KDM4B: variants seen among roughly 807,000 people sequenced by gnomAD.
KDM4B encodes the protein lysine demethylase 4B.
KDM4B carries 32 observed loss-of-function variants against 125.2 expected under a neutral mutation model. The ratio of observed to expected loss-of-function variants is 0.26; its 90% CI spans 0.19 to 0.34. The LOEUF (loss-of-function observed/expected upper bound fraction) is 0.34, where lower values mean the gene tolerates loss of function less well. KDM4B is among the 10% of genes least tolerant of loss of function. The pLI is 1.00. For synonymous variants in KDM4B, 721 were observed against 677.9 expected (o/e 1.06, Z -0.99); for missense variants, 1,190 against 1,577.7 (o/e 0.75, Z 4.16).
chr19:5,122,663 G>A (rs1272905020), intron 11 of KDM4B, among the ~76,000 whole-genome samples: 1 of 152,246 alleles, frequency 6.6e-6, no homozygotes, highest in Non-Finnish European at 1.5e-5. Context: ...CCGATAAGTA[G>A]GGAAGACACT....
intron 11 of KDM4B, 28 bp from the exon 12 acceptor site, chr19:5,131,048 C>G: frequency 6.8e-7 from 1 of 1,468,450 alleles, no homozygotes; most frequent in Non-Finnish European, 9.1e-7. Context: ...GGGTTCTCCT[C>G]CCTGACCTCC....
chr19:4,994,255 C>T (rs186013757), intron 1 of KDM4B, among the ~76,000 whole-genome samples: 1 of 151,362 alleles, frequency 6.6e-6, no homozygotes, highest in East Asian at 2.0e-4. Context: ...CTATTTTCAG[C>T]CTGTTCGTAT....
intron 6 of KDM4B, among the ~76,000 whole-genome samples, chr19:5,064,711 G>GT (rs2037713339): frequency 6.6e-6 from 1 of 152,250 alleles, no homozygotes; most frequent in African/African-American, 2.4e-5. Flanking sequence ...GGGCCACAGA[G>GT]TCCTGGCTTG....
chr19:5,003,079 T>C (rs889798293), intron 1 of KDM4B, among the ~76,000 whole-genome samples: 1 of 152,256 alleles, frequency 6.6e-6, no homozygotes, highest in Admixed American at 6.5e-5. Flanking sequence ...GTATGATTCC[T>C]CCTTTACACT....
Position 5,150,309 on chromosome 19 carries a change from C to T in KDM4B, c.3022-49C>T, listed in dbSNP as rs557073831. The T allele has an allele frequency of 2.5e-5, 37 of 1,494,270 alleles. No individual in the cohort carries two copies. In the South Asian group the frequency reaches 3.0e-4, roughly 12 times the overall value. The allele number at this position is 1,494,270 out of a possible 1,614,324, so 92.6% of individuals were successfully genotyped here. A position where few individuals can be genotyped will look rare whatever the true frequency, so the allele number is the denominator to read the frequency against. ...TTGAGGCCGTGGCCTGCCTGGAGCA[C>T]CTGCCATCCTGGCAGTGCCAGGCCC... On this transcript the variant is annotated intron_variant, in intron 21 of 22. Transcript: ENST00000159111.
chr19:5,053,384 C>A (rs1259346956), intron 6 of KDM4B, among the ~76,000 whole-genome samples: 1 of 152,234 alleles, frequency 6.6e-6, no homozygotes, highest in Admixed American at 6.5e-5. Context: ...GCCACACACA[C>A]TGAGCCAGGA....
rs995798504 is a variant in KDM4B at position 5,110,199 on chromosome 19, G to C, written c.919-423G>C. Among the ~76,000 whole-genome samples the C allele has an allele frequency of 2.6e-5, 4 of 152,232 alleles. No individual in the cohort carries two copies. In the South Asian group the frequency reaches 8.3e-4, roughly 32 times the overall value. On this transcript the variant is annotated intron_variant, in intron 9 of 22. Coordinates refer to ENST00000159111, the MANE Select transcript of KDM4B (RefSeq NM_015015.3). Reference sequence around the variant, plus strand: ...GAAGTTCTAGAAACAGAGCAGGAGTGCTGGTGCACACCTGTAATCCCAGGG... The same window carrying C: ...GAAGTTCTAGAAACAGAGCAGGAGTCCTGGTGCACACCTGTAATCCCAGGG...
At chr19:5,046,437 C>G (rs574078989) in intron 5 of KDM4B, among the ~76,000 whole-genome samples, 1 of 152,214 alleles carries the variant, frequency 6.6e-6, no homozygotes, top group Middle Eastern at 3.2e-3. Flanking sequence ...GCTCACCTTG[C>G]AAAGGAACCG....
intron 2 of KDM4B, among the ~76,000 whole-genome samples, chr19:5,025,652 T>G (rs771448957): frequency 1.3e-4 from 20 of 152,300 alleles, no homozygotes; most frequent in Non-Finnish European, 2.8e-4. Context: ...TCCTGCCGCC[T>G]CCTCTGCGCT....
At chr19:5,122,664 G>A (rs1432616711) in intron 11 of KDM4B, among the ~76,000 whole-genome samples, 1 of 152,208 alleles carries the variant, frequency 6.6e-6, no homozygotes, top group Non-Finnish European at 1.5e-5. Flanking sequence ...CGATAAGTAG[G>A]GAAGACACTC....
chr19:5,084,298 A>G (rs1223882256), intron 9 of KDM4B, among the ~76,000 whole-genome samples: 2 of 146,422 alleles, frequency 1.4e-5, no homozygotes, highest in African/African-American at 5.0e-5. Context: ...GTTATATATA[A>G]TTTATATATT....
chr19:4,978,759 C>T (rs1054058566), intron 1 of KDM4B, among the ~76,000 whole-genome samples: 1 of 152,148 alleles, frequency 6.6e-6, no homozygotes, highest in African/African-American at 2.4e-5. Flanking sequence ...GGATGGGCTG[C>T]AGCGAGCGGG....
At chr19:5,019,069 GGTGT>G (rs1196703369) in intron 2 of KDM4B, among the ~76,000 whole-genome samples, 1 of 92,740 alleles carries the variant, frequency 1.1e-5, no homozygotes, top group Admixed American at 1.0e-4. Context: ...TGTGGACGTT[GGTGT>G]GCAGGTGCTG....
At chr19:5,120,283 C>T (rs1370780414) in intron 11 of KDM4B, among the ~76,000 whole-genome samples, 3 of 152,228 alleles carry the variant, frequency 2.0e-5, no homozygotes, top group Non-Finnish European at 4.4e-5. Context: ...TGCACCTCTG[C>T]ACTCCAACCT....
intron 6 of KDM4B, among the ~76,000 whole-genome samples, chr19:5,053,271 C>G (rs942796978): frequency 6.6e-6 from 1 of 152,218 alleles, no homozygotes; most frequent in Non-Finnish European, 1.5e-5. Context: ...AGAGCCGCTG[C>G]GGTGCCCTGG....
intron 10 of KDM4B, among the ~76,000 whole-genome samples, chr19:5,116,578 G>A (rs375671237): frequency 4.6e-5 from 7 of 152,190 alleles, no homozygotes; most frequent in African/African-American, 1.7e-4. Context: ...CAAGATCATG[G>A]GAGAAGGAAC....
chr19:4,978,478 G>T (rs1202549834), intron 1 of KDM4B, among the ~76,000 whole-genome samples: 1 of 113,210 alleles, frequency 8.8e-6, no homozygotes, highest in African/African-American at 3.5e-5. Context: ...CTGCACTCCA[G>T]CCTGCACAAT....
At chr19:4,974,226 T>C (rs1208622907) in intron 1 of KDM4B, among the ~76,000 whole-genome samples, 1 of 150,782 alleles carries the variant, frequency 6.6e-6, no homozygotes, top group Non-Finnish European at 1.5e-5. Flanking sequence ...TGAAACCCCG[T>C]CTCTACTAAA....
intron 1 of KDM4B, among the ~76,000 whole-genome samples, chr19:5,010,174 T>G (rs1599406008): frequency 6.6e-6 from 1 of 152,360 alleles, no homozygotes; most frequent in Middle Eastern, 3.4e-3. Context: ...GCCTTGACTT[T>G]CACGACCTTG....
Sources: gnomAD v4.1 joint callset for allele counts (sites outside exome capture counted in the v4.1 genomes callset) on GRCh38, gnomAD v4.1.1 for gene constraint, MANE v1.5 for transcripts, NCBI Gene and HGNC (gene_info 2026-07-23, HGNC 2026-07-21) for gene names.